The following NRXN3 variants were observed in gnomAD, a reference collection of about 807,000 sequenced individuals.
NRXN3 encodes the protein neurexin 3.
Under a neutral mutation model 137.6 loss-of-function variants are expected in NRXN3, and 32 were observed. That is an observed-to-expected ratio of 0.23 (90% CI 0.18 to 0.31). NRXN3 has a LOEUF of 0.31. Among genes scored for constraint, NRXN3 ranks in the 10% least tolerant of loss-of-function variants. The pLI is 1.00. For missense variants in NRXN3, 1,574 were observed against 2,062.5 expected (o/e 0.76, Z 4.59); for synonymous variants, 798 against 784.5 (o/e 1.02, Z -0.29).
chr14:79,349,010 T>A (rs1428106253), intron 15 of NRXN3, among the ~76,000 whole-genome samples: 1 of 152,224 alleles, frequency 6.6e-6, no homozygotes, highest in Non-Finnish European at 1.5e-5. Flanking sequence ...TATGGATTTA[T>A]TTCTACTGTT....
At chr14:79,091,161 A>G (rs949386723) in intron 15 of NRXN3, among the ~76,000 whole-genome samples, 1 of 150,320 alleles carries the variant, frequency 6.7e-6, no homozygotes, top group African/African-American at 2.5e-5. Flanking sequence ...GTCTTGATCA[A>G]TTTCATTTTT....
chr14:79,780,595 C>A (rs143821967), intron 19 of NRXN3, among the ~76,000 whole-genome samples: 3,519 of 152,018 alleles, frequency 0.023, 63 homozygotes, highest in Non-Finnish European at 0.036. Flanking sequence ...GGCGACAGAG[C>A]GAGACTCTGT....
intron 19 of NRXN3, among the ~76,000 whole-genome samples, chr14:79,719,647 C>T (rs1307259411): frequency 6.6e-6 from 1 of 151,956 alleles, no homozygotes; most frequent in Non-Finnish European, 1.5e-5. Context: ...ACCCGTGATC[C>T]AACCCTCCAG....
intron 10 of NRXN3, among the ~76,000 whole-genome samples, chr14:78,835,206 C>G (rs1244053027): frequency 6.6e-6 from 1 of 152,118 alleles, no homozygotes; most frequent in Non-Finnish European, 1.5e-5. Context: ...CGGTGGCGGA[C>G]AATCAGTTAA....
chr14:79,706,346 T>TA (rs1432935015), intron 19 of NRXN3, among the ~76,000 whole-genome samples: 1 of 151,498 alleles, frequency 6.6e-6, no homozygotes, highest in Non-Finnish European at 1.5e-5. Context: ...TTAATTCTCC[T>TA]AAAACCCACT....
At chr14:79,045,292 C>T (rs564085754) in intron 15 of NRXN3, among the ~76,000 whole-genome samples, 1 of 152,258 alleles carries the variant, frequency 6.6e-6, no homozygotes, top group Admixed American at 6.5e-5. Context: ...AATCACTCTG[C>T]CCTTCTGCTC....
intron 4 of NRXN3, among the ~76,000 whole-genome samples, chr14:78,592,429 C>A (rs2097125445): frequency 6.6e-6 from 1 of 152,194 alleles, no homozygotes; most frequent in African/African-American, 2.4e-5. Flanking sequence ...AAGGGTCCAA[C>A]AGAGAGGGGC....
At chr14:79,402,366 A>G (rs2095225068) in intron 15 of NRXN3, among the ~76,000 whole-genome samples, 1 of 152,234 alleles carries the variant, frequency 6.6e-6, no homozygotes, top group Non-Finnish European at 1.5e-5. Context: ...CATATTCATA[A>G]TAAAAATCCA....
chr14:78,830,914 A>G (rs1414685529), intron 10 of NRXN3, among the ~76,000 whole-genome samples: 11 of 152,226 alleles, frequency 7.2e-5, no homozygotes, highest in Non-Finnish European at 2.9e-5. Context: ...TGGAAGTTTT[A>G]CTGAGTATCA....
chr14:78,837,594 A>G (rs917370499), intron 10 of NRXN3, among the ~76,000 whole-genome samples: 21 of 151,904 alleles, frequency 1.4e-4, no homozygotes, highest in African/African-American at 4.8e-4. Flanking sequence ...GTCCTTTGAG[A>G]AATACTTGTT....
intron 15 of NRXN3, among the ~76,000 whole-genome samples, chr14:79,267,205 A>G (rs2078573242): frequency 6.6e-6 from 1 of 152,210 alleles, no homozygotes; most frequent in Non-Finnish European, 1.5e-5. Flanking sequence ...GAGAGATAAT[A>G]ATTTGATCAC....
At chr14:79,498,645 C>T (rs1450368226) in intron 16 of NRXN3, among the ~76,000 whole-genome samples, 1 of 152,232 alleles carries the variant, frequency 6.6e-6, no homozygotes, top group Non-Finnish European at 1.5e-5. Flanking sequence ...CTCCCGAATA[C>T]ATTCAAAATT....
chr14:78,598,747 T>C (rs943356819), intron 4 of NRXN3, among the ~76,000 whole-genome samples: 24 of 152,192 alleles, frequency 1.6e-4, no homozygotes, highest in Admixed American at 2.6e-4. Flanking sequence ...ATCTCGGTAA[T>C]TGGCTAAGGT....
intron 4 of NRXN3, among the ~76,000 whole-genome samples, chr14:78,326,047 C>T (rs1226734613): frequency 6.6e-6 from 1 of 152,180 alleles, no homozygotes; most frequent in African/African-American, 2.4e-5. Context: ...GATTGGTTAG[C>T]CTGCCCATAG....
chr14:79,517,092 G>GACCCCC (rs2096994482), intron 16 of NRXN3, among the ~76,000 whole-genome samples: 1 of 124,634 alleles, frequency 8.0e-6, no homozygotes, highest in African/African-American at 3.4e-5. Flanking sequence ...CAAATGTACA[G>GACCCCC]CCCCCCCCCC....
intron 8 of NRXN3, among the ~76,000 whole-genome samples, chr14:78,789,367 T>C (rs1472024397): frequency 6.6e-6 from 1 of 152,168 alleles, no homozygotes; most frequent in Non-Finnish European, 1.5e-5. Context: ...CTAAAGGGCA[T>C]TTGGAAATGT....
At chr14:79,385,801 A>T (rs2094597704) in intron 15 of NRXN3, among the ~76,000 whole-genome samples, 1 of 152,232 alleles carries the variant, frequency 6.6e-6, no homozygotes, top group South Asian at 2.1e-4. Context: ...CTGGTTAAAC[A>T]TACGCGAATC....
chr14:79,221,195 A>G (rs1331062340), intron 15 of NRXN3, among the ~76,000 whole-genome samples: 1 of 152,100 alleles, frequency 6.6e-6, no homozygotes, highest in African/African-American at 2.4e-5. Flanking sequence ...GCTATTGTGA[A>G]CAGTGCTGCA....
At chr14:78,504,523 T>G (rs2153780114) in intron 4 of NRXN3, among the ~76,000 whole-genome samples, 1 of 152,288 alleles carries the variant, frequency 6.6e-6, no homozygotes, top group East Asian at 1.9e-4. Flanking sequence ...TAATGGTGTG[T>G]ATGCTGTGTC....
Sources: gnomAD v4.1 joint callset for allele counts (sites outside exome capture counted in the v4.1 genomes callset) on GRCh38, gnomAD v4.1.1 for gene constraint, MANE v1.5 for transcripts, NCBI Gene and HGNC (gene_info 2026-07-23, HGNC 2026-07-21) for gene names.